GDF11: variants seen among roughly 807,000 people sequenced by gnomAD.
GDF11 encodes the protein growth differentiation factor 11, also known as growth/differentiation factor 11.
GDF11 carries 12 observed loss-of-function variants against 34.4 expected under a neutral mutation model. That is an observed-to-expected ratio of 0.35 (90% CI 0.22 to 0.57). The LOEUF (loss-of-function observed/expected upper bound fraction) is 0.57, where lower values mean the gene tolerates loss of function less well. Ranked by LOEUF, GDF11 falls within the 20% of genes least tolerant of loss-of-function variation. GDF11 has a pLI of 0.86. For missense variants in GDF11, 346 were observed against 548.2 expected (o/e 0.63, Z 3.68); for synonymous variants, 212 against 231.1 (o/e 0.92, Z 0.75).
At chr12:55,747,152 G>A (rs1302900273) in intron 1 of GDF11, among the ~76,000 whole-genome samples, 1 of 152,080 alleles carries the variant, frequency 6.6e-6, no homozygotes, top group East Asian at 1.9e-4. Flanking sequence ...CATCTCACTA[G>A]TAGCTTCCCT....
rs1279614455 is a variant in GDF11 at position 55,751,539 on chromosome 12, TGG to T, written c.*1659_*1660del. The T allele has an allele frequency of 1.3e-5, 2 of 152,224 alleles. No homozygotes were observed. Among genetic ancestry groups the T allele is most frequent in the Admixed American group, 1.3e-4 (2 of 15,282 alleles). The allele number at this position is 152,224 out of a possible 1,614,324, so 9.4% of individuals were successfully genotyped here. ...TATGGACATAAAATACCTCTCGCTG[TGG>T]GACAGATAACCAGGGCACCAGAGTA... On this transcript the variant is annotated 3_prime_UTR_variant, in exon 3 of 3. Transcript: ENST00000257868.
rs753523328 is a variant in GDF11 at position 55,748,705 on chromosome 12, C to T, written c.565C>T (p.Arg189Cys). 4 of 1,614,260 alleles carry T rather than the reference C, an allele frequency of 2.5e-6. No homozygotes were observed. Among genetic ancestry groups the T allele is most frequent in the Non-Finnish European group, 3.4e-6 (4 of 1,180,042 alleles). Residue 189 changes from arginine to cysteine, a missense_variant, in exon 2 of 3, where the codon CGC becomes TGC. Coordinates refer to ENST00000257868, the MANE Select transcript of GDF11 (RefSeq NM_005811.5). The surrounding 1 kb of genome is among the most constrained non-coding windows in gnomAD (Gnocchi z 5.6). ...QLWVYLRPVPRPATVYLQILR... is the reference protein window; with the variant it reads ...QLWVYLRPVPCPATVYLQILR... ...GTGGGTGTACCTACGGCCTGTACCCCGCCCAGCCACAGTCTACCTGCAGAT... is the reference window on the plus strand; with the variant it reads ...GTGGGTGTACCTACGGCCTGTACCCTGCCCAGCCACAGTCTACCTGCAGAT...
At chr12:55,745,440 AG>A (rs1166376176) in intron 1 of GDF11, among the ~76,000 whole-genome samples, 1 of 151,854 alleles carries the variant, frequency 6.6e-6, no homozygotes, top group African/African-American at 2.4e-5. Flanking sequence ...GTCGGTGGGA[AG>A]GGGACACCAG....
At position 55,750,008 on chromosome 12, in the gene GDF11, C is replaced by A; in HGVS notation, c.*126C>A. On this transcript the variant is annotated 3_prime_UTR_variant, in exon 3 of 3. Coordinates refer to ENST00000257868, the MANE Select transcript of GDF11 (RefSeq NM_005811.5). Reference sequence around the variant, plus strand: ...AACATCACACCGTTCCCCGACCAAGCCGTGTGCAATACAACAGAGGGAGGC... The same window carrying A: ...AACATCACACCGTTCCCCGACCAAGACGTGTGCAATACAACAGAGGGAGGC... The A allele has an allele frequency of 1.2e-6, 1 of 839,456 alleles. No homozygotes were observed. Among genetic ancestry groups the A allele is most frequent in the Non-Finnish European group, 1.9e-6 (1 of 540,224 alleles). The allele number at this position is 839,456 out of a possible 1,614,324, so 52.0% of individuals were successfully genotyped here.
At position 55,743,773 on chromosome 12, in the gene GDF11, G is replaced by T; in HGVS notation, c.445+12G>T. 3 of 1,520,824 alleles carry T rather than the reference G, an allele frequency of 2.0e-6. No homozygotes were observed. The highest frequency in any genetic ancestry group is 2.6e-6 in the Non-Finnish European group (3 of 1,133,594). 94.2% of individuals were successfully genotyped at this position (1,520,824 alleles called of 1,614,324 possible). A position where few individuals can be genotyped will look rare whatever the true frequency, so the allele number is the denominator to read the frequency against. Reference sequence around the variant, plus strand: ...CATGGCCCAGGAGAGTAAGTGGGCTGCGGGGCGCGAGCAGTGGGGTGCTGG... The same window carrying T: ...CATGGCCCAGGAGAGTAAGTGGGCTTCGGGGCGCGAGCAGTGGGGTGCTGG... On this transcript the variant is annotated intron_variant, in intron 1 of 2. Transcript: ENST00000257868.
rs1237387498 is a variant in GDF11 at position 55,748,147 on chromosome 12, G to T, written c.446-439G>T. 1.3e-5 allele frequency among the ~76,000 whole-genome samples: 2 copies of T among 152,226 alleles called. No homozygotes were observed. Among genetic ancestry groups the T allele is most frequent in the Non-Finnish European group, 2.9e-5 (2 of 68,042 alleles). ...TATTTTGTGGGGGAGGGATGTGCCA[G>T]GCTCTACCTGTCCAGCAGATAAATC... On this transcript the variant is annotated intron_variant, in intron 1 of 2. Coordinates refer to ENST00000257868, the MANE Select transcript of GDF11 (RefSeq NM_005811.5). This position sits in a 1 kb window ranked among gnomAD's most constrained non-coding sequence, Gnocchi z 5.6.
In GDF11 at chr12:55,756,435, T is replaced by G. The variant is rs1312717866; in HGVS notation, c.*6553T>G. On this transcript the variant is annotated 3_prime_UTR_variant, in exon 3 of 3. Transcript: ENST00000257868. ...CTTGACATTAGAAAGGTGATCAAAC[T>G]ATTACCATTTCATTAAGCACAAAAC... is the stretch of plus-strand genomic sequence containing the variant. 1 of 152,166 alleles carries G rather than the reference T, an allele frequency of 6.6e-6. No homozygotes were observed. Among genetic ancestry groups the G allele is most frequent in the Non-Finnish European group, 1.5e-5 (1 of 68,020 alleles). The allele number at this position is 152,166 out of a possible 1,614,324, so 9.4% of individuals were successfully genotyped here.
At chr12:55,746,082 T>C (rs1367889601) in intron 1 of GDF11, among the ~76,000 whole-genome samples, 3 of 152,134 alleles carry the variant, frequency 2.0e-5, no homozygotes, top group African/African-American at 7.2e-5. Context: ...CAGCGCCGCC[T>C]ACTAAACCTG....
rs1878363816 is a variant in GDF11 at position 55,752,716 on chromosome 12, T to C, written c.*2834T>C. On this transcript the variant is annotated 3_prime_UTR_variant, in exon 3 of 3. Coordinates refer to ENST00000257868, the MANE Select transcript of GDF11 (RefSeq NM_005811.5). Reference sequence around the variant, plus strand: ...GAACTTCTTCAACTGAGATCAAGGCTTCCTGGAGGGAACCACTGCAAAAAG... The same window carrying C: ...GAACTTCTTCAACTGAGATCAAGGCCTCCTGGAGGGAACCACTGCAAAAAG... 6.6e-6 allele frequency: 1 copy of C among 152,218 alleles called. No homozygotes were observed. Among genetic ancestry groups the C allele is most frequent in the African/African-American group, 2.4e-5 (1 of 41,454 alleles). The allele number at this position is 152,218 out of a possible 1,614,324, so 9.4% of individuals were successfully genotyped here. A position where few individuals can be genotyped will look rare whatever the true frequency, so the allele number is the denominator to read the frequency against.
chr12:55,750,104 G>T lies in GDF11; in HGVS notation c.*222G>T, dbSNP rs1878274536. ...GGCATAGTCAGGGTGGGGAGTGTTTGAAGTTTGCAGATGAGAAGGTTTGAC... is the reference window on the plus strand; with the variant it reads ...GGCATAGTCAGGGTGGGGAGTGTTTTAAGTTTGCAGATGAGAAGGTTTGAC... On this transcript the variant is annotated 3_prime_UTR_variant, in exon 3 of 3. Transcript: ENST00000257868. The T allele has an allele frequency of 1.8e-6, 1 of 548,556 alleles. No homozygotes were observed. The highest frequency in any genetic ancestry group is 3.2e-6 in the Non-Finnish European group (1 of 307,692). 34.0% of individuals were successfully genotyped at this position (548,556 alleles called of 1,614,324 possible). A position where few individuals can be genotyped will look rare whatever the true frequency, so the allele number is the denominator to read the frequency against.
At position 55,754,782 on chromosome 12, in the gene GDF11, G is replaced by A. The variant is rs1878451828; in HGVS notation, c.*4900G>A. On this transcript the variant is annotated 3_prime_UTR_variant, in exon 3 of 3. Coordinates refer to ENST00000257868, the MANE Select transcript of GDF11 (RefSeq NM_005811.5). ...TAATTCACACAGCAACCTTCACAATGGGGTTCCTTTTGGTACAGTCTGAAA... is the reference window on the plus strand; with the variant it reads ...TAATTCACACAGCAACCTTCACAATAGGGTTCCTTTTGGTACAGTCTGAAA... 1 of 152,196 alleles carries A rather than the reference G, an allele frequency of 6.6e-6. No individual in the cohort carries two copies. Among genetic ancestry groups the A allele is most frequent in the African/African-American group, 2.4e-5 (1 of 41,438 alleles). The allele number at this position is 152,196 out of a possible 1,614,324, so 9.4% of individuals were successfully genotyped here.
chr12:55,751,826 C>T lies in GDF11; in HGVS notation c.*1944C>T, dbSNP rs924297833. ...CGGGTCTGATAAAAACAGTACTGAA[C>T]TAAAGTAAAGCCCAAGCTGGTGAGC... On this transcript the variant is annotated 3_prime_UTR_variant, in exon 3 of 3. Coordinates refer to ENST00000257868, the MANE Select transcript of GDF11 (RefSeq NM_005811.5). 2.0e-5 allele frequency: 3 copies of T among 152,188 alleles called. No homozygotes were observed. Among genetic ancestry groups the T allele is most frequent in the African/African-American group, 7.2e-5 (3 of 41,418 alleles). The allele number at this position is 152,188 out of a possible 1,614,324, so 9.4% of individuals were successfully genotyped here.
Position 55,743,422 on chromosome 12 carries a change from G to A in GDF11, c.106G>A (p.Ala36Thr). Residue 36 changes from alanine to threonine, a missense_variant, in exon 1 of 3, where the codon GCG (alanine) becomes ACG (threonine). By Grantham distance (58) the Ala-to-Thr change is moderately conservative. This residue lies in a region of GDF11 where 141 missense variants were observed against 213.8 expected (regional missense o/e 0.66). Transcript: ENST00000257868. ...EGPAAAAAAAAAAAAAGVGGE... is the reference protein window; with the variant it reads ...EGPAAAAAAATAAAAAGVGGE... ...CCCCGCGGCGGCGGCGGCGGCGGCG[G>A]CGGCGGCGGCAGCGGCGGGGGTCGG... The A allele has an allele frequency of 1.9e-6, 2 of 1,064,472 alleles. No individual in the cohort carries two copies. The highest frequency in any genetic ancestry group is 1.1e-6 in the Non-Finnish European group (1 of 883,054). The allele number at this position is 1,064,472 out of a possible 1,614,324, so 65.9% of individuals were successfully genotyped here.
chr12:55,747,939 TAA>T (rs1438588590), intron 1 of GDF11, among the ~76,000 whole-genome samples: 1 of 152,212 alleles, frequency 6.6e-6, no homozygotes, highest in African/African-American at 2.4e-5. Context: ...AGAAACTTCT[TAA>T]GAGAGAATGG....
In GDF11 at chr12:55,748,978, G is replaced by C; in HGVS notation, c.838G>C (p.Gly280Arg). 1 of 1,596,230 alleles carries C rather than the reference G, an allele frequency of 6.3e-7. No homozygotes were observed. Among genetic ancestry groups the C allele is most frequent in the Non-Finnish European group, 8.5e-7 (1 of 1,178,014 alleles). ...AVTSLGPGAE[G>R]LHPFMELRVL... ...CACCTCCCTGGGGCCGGGAGCCGAG[G>C]GGCTGGTGAGCAGGGGGCCTGAGGT... The change falls in exon 2 of 3, where the codon GGG (glycine) becomes CGG (arginine). Residue 280 changes from glycine to arginine, a missense_variant. Gly to Arg is a moderately radical substitution (Grantham distance 125). Around this residue, in one of 3 missense-constraint regions of GDF11, gnomAD observed 205 missense variants for 311.3 expected, o/e 0.66. Coordinates refer to ENST00000257868, the MANE Select transcript of GDF11 (RefSeq NM_005811.5). This position sits in a 1 kb window ranked among gnomAD's most constrained non-coding sequence, Gnocchi z 5.6.
At chr12:55,745,251 T>C (rs1029526209) in intron 1 of GDF11, among the ~76,000 whole-genome samples, 1 of 152,038 alleles carries the variant, frequency 6.6e-6, no homozygotes, top group Non-Finnish European at 1.5e-5. Flanking sequence ...CTCTGTGGTG[T>C]AGTGTGTGTG....
Position 55,748,509 on chromosome 12 carries a change from A to C in GDF11, c.446-77A>C. 10 of 1,383,746 alleles carry C rather than the reference A, an allele frequency of 7.2e-6. No individual in the cohort carries two copies. The highest frequency in any genetic ancestry group is 7.9e-6 in the Non-Finnish European group (8 of 1,018,576). The allele number at this position is 1,383,746 out of a possible 1,614,324, so 85.7% of individuals were successfully genotyped here. ...GGAAAATCAGGCTGAGAAGTCCAAAATTGCCAGTGCCACCCAGGACTACTG... is the reference window on the plus strand; with the variant it reads ...GGAAAATCAGGCTGAGAAGTCCAAACTTGCCAGTGCCACCCAGGACTACTG... On this transcript the variant is annotated intron_variant, in intron 1 of 2. Coordinates refer to ENST00000257868, the MANE Select transcript of GDF11 (RefSeq NM_005811.5). The surrounding 1 kb of genome is among the most constrained non-coding windows in gnomAD (Gnocchi z 5.6).
rs1350091244 is a variant in GDF11, at chr12:55,748,378, A to G, written c.446-208A>G. On this transcript the variant is annotated intron_variant, in intron 1 of 2. Coordinates refer to ENST00000257868, the MANE Select transcript of GDF11 (RefSeq NM_005811.5). This position sits in a 1 kb window ranked among gnomAD's most constrained non-coding sequence, Gnocchi z 5.6. ...AGGGCAAATGGATTAGGAAATGGAC[A>G]CAGATCAGTAAGGCCTTATAGGGCC... Among the ~76,000 whole-genome samples the G allele has an allele frequency of 6.6e-6, 1 of 152,248 alleles. No homozygotes were observed. The highest frequency in any genetic ancestry group is 1.5e-5 in the Non-Finnish European group (1 of 68,046).
At chr12:55,747,503 C>T (rs1250039106) in intron 1 of GDF11, among the ~76,000 whole-genome samples, 1 of 152,138 alleles carries the variant, frequency 6.6e-6, no homozygotes, top group Non-Finnish European at 1.5e-5. Flanking sequence ...TTATATGGCT[C>T]TGGAAGCTCA....
Sources: allele counts gnomAD v4.1 joint callset (sites outside exome capture counted in the v4.1 genomes callset), GRCh38; gene constraint gnomAD v4.1.1; regional missense constraint gnomAD v4.1.1; non-coding constraint Gnocchi (gnomAD v3.1); transcripts MANE v1.5; gene names NCBI Gene and HGNC (gene_info 2026-07-23, HGNC 2026-07-21).